The following KIF13B variants were observed in gnomAD, a reference collection of about 807,000 sequenced individuals.
The protein encoded by KIF13B is kinesin-like protein KIF13B.
KIF13B carries 127 observed loss-of-function variants against 222.0 expected under a neutral mutation model. The ratio of observed to expected loss-of-function variants is 0.57; its 90% CI spans 0.50 to 0.66. The LOEUF (loss-of-function observed/expected upper bound fraction) is 0.66. Among genes scored for constraint, KIF13B ranks in the 30% least tolerant of loss-of-function variants. The pLI is 0.00. For missense variants in KIF13B, 2,173 were observed against 2,379.0 expected (o/e 0.91, Z 1.80); for synonymous variants, 976 against 919.0 (o/e 1.06, Z -1.12).
At chr8:29,125,837 G>A (rs1159719684) in intron 26 of KIF13B, among the ~76,000 whole-genome samples, 5 of 152,258 alleles carry the variant, frequency 3.3e-5, no homozygotes, top group South Asian at 2.1e-4. Context: ...AGTCGGGCGC[G>A]GTGGCTCATG....
chr8:29,150,530 T>G (rs979836563), intron 14 of KIF13B, 147 bp from the exon 15 acceptor site: 7 of 574,998 alleles, frequency 1.2e-5, no homozygotes, highest in Admixed American at 3.3e-5. Flanking sequence ...AATATTTGCA[T>G]TTACTCCTTT....
chr8:29,110,685 A>T (rs1181971422), intron 32 of KIF13B: 2 of 152,652 alleles, frequency 1.3e-5, no homozygotes, highest in Non-Finnish European at 2.9e-5. Flanking sequence ...GTTCTCCTAC[A>T]CTGAGCTTTC....
chr8:29,262,815 G>A (rs1816735287), intron 1 of KIF13B, among the ~76,000 whole-genome samples, 165 bp downstream of exon 1: 2 of 151,348 alleles, frequency 1.3e-5, no homozygotes, highest in Admixed American at 1.3e-4. Context: ...AGAGGGAGCC[G>A]GGCGTCTCAG....
chr8:29,073,152 CGAGGAGGGGGAT>C (rs1563678446), intron 38 of KIF13B, among the ~76,000 whole-genome samples: 21 of 30,386 alleles, frequency 6.9e-4, no homozygotes, highest in African/African-American at 1.7e-3. Flanking sequence ...AGGAGGGGGA[CGAGGAGGGGGAT>C]GAGGAGGGGA....
At position 29,136,632 on chromosome 8, in the gene KIF13B, C is replaced by T. The variant is rs374481704; in HGVS notation, c.2614-2422G>A. The stretch of plus-strand genomic sequence containing the variant: ...ATTAATTAAAATAAATAAATCTCAC[C>T]CACTTATCAGCTTGTGTGCTGGCTC... On this transcript the variant is annotated intron_variant, in intron 21 of 39. Coordinates refer to ENST00000524189, the MANE Select transcript of KIF13B (RefSeq NM_015254.4). Among the ~76,000 whole-genome samples, 13 of 151,556 alleles carry T rather than the reference C, an allele frequency of 8.6e-5. No homozygotes were observed. The South Asian group carries it at 2.5e-3, about 29-fold the overall frequency.
At chr8:29,226,359 T>C (rs961192322) in intron 2 of KIF13B, among the ~76,000 whole-genome samples, 17 of 152,216 alleles carry the variant, frequency 1.1e-4, no homozygotes, top group Non-Finnish European at 2.2e-4. Flanking sequence ...CATACCTAAC[T>C]CACCACCTGC....
At chr8:29,204,745 A>C (rs1432144044) in intron 2 of KIF13B, among the ~76,000 whole-genome samples, 1 of 152,208 alleles carries the variant, frequency 6.6e-6, no homozygotes, top group Non-Finnish European at 1.5e-5. Context: ...GCCCTGGGCC[A>C]GACATCTGGC....
intron 9 of KIF13B, 74 bp from the exon 10 acceptor site, chr8:29,176,253 A>T: frequency 1.1e-6 from 1 of 896,540 alleles, no homozygotes; most frequent in Non-Finnish European, 1.8e-6. Context: ...ACAAAGATTG[A>T]ACACTAAGAT....
intron 38 of KIF13B, among the ~76,000 whole-genome samples, chr8:29,072,706 G>T (rs892880755): frequency 6.6e-6 from 1 of 152,128 alleles, no homozygotes; most frequent in African/African-American, 2.4e-5. Flanking sequence ...CACAGCCCCT[G>T]CCCCATCTAC....
rs951063461 is a variant in KIF13B, at chr8:29,083,481, C to T, written c.4459-8138G>A. 5.8e-4 allele frequency among the ~76,000 whole-genome samples: 88 copies of T among 152,174 alleles called. 1 individual carries two copies. The highest frequency in any genetic ancestry group is 2.1e-3 in the African/African-American group (85 of 41,444). ...ACCTCTTCAATCGACTTCTTTACTG[C>T]CTCAGAAATCCTCTTACTTGCTGAA... On this transcript the variant is annotated intron_variant, in intron 37 of 39. Coordinates refer to ENST00000524189, the MANE Select transcript of KIF13B (RefSeq NM_015254.4).
Position 29,171,746 on chromosome 8 carries a change from AT to A in KIF13B, c.946-4162del, listed in dbSNP as rs1169474938. 4.9e-3 allele frequency among the ~76,000 whole-genome samples: 718 copies of A among 145,570 alleles called. 5 individuals are homozygous for A. Among genetic ancestry groups the A allele is most frequent in the African/African-American group, 0.016 (636 of 39,356 alleles). On this transcript the variant is annotated intron_variant, in intron 10 of 39. Coordinates refer to ENST00000524189, the MANE Select transcript of KIF13B (RefSeq NM_015254.4). The stretch of plus-strand genomic sequence containing the variant: ...AAATGACGTTAAAAAAAATCATATA[AT>A]TTTTTTTTCTTCTTTTTTTTTTTTT...
chr8:29,197,360 A>C (rs895403227), intron 2 of KIF13B, among the ~76,000 whole-genome samples: 22 of 146,982 alleles, frequency 1.5e-4, no homozygotes, highest in African/African-American at 5.5e-4. Context: ...AAAAAAAAAA[A>C]ACTCAATATA....
rs144206349 is a variant in KIF13B at position 29,104,398 on chromosome 8, C to T, written c.4215+3741G>A. Among the ~76,000 whole-genome samples, 3 of 152,258 alleles carry T rather than the reference C, an allele frequency of 2.0e-5. No individual in the cohort carries two copies. The East Asian group carries it at 5.8e-4, about 29-fold the overall frequency. ...GGATTCTAGAGTACCCCTCTCCAAC[C>T]CATCTGTGTCTCTCGTCATCTCTCT... On this transcript the variant is annotated intron_variant, in intron 35 of 39. Coordinates refer to ENST00000524189, the MANE Select transcript of KIF13B (RefSeq NM_015254.4).
chr8:29,244,846 C>G (rs1815950864), intron 2 of KIF13B, among the ~76,000 whole-genome samples: 1 of 152,130 alleles, frequency 6.6e-6, no homozygotes, highest in Non-Finnish European at 1.5e-5. Context: ...ATCCACTGTA[C>G]AGCTGGAAGT....
At chr8:29,151,368 A>T (rs1318885325) in intron 14 of KIF13B, among the ~76,000 whole-genome samples, 1 of 152,254 alleles carries the variant, frequency 6.6e-6, no homozygotes, top group Non-Finnish European at 1.5e-5. Flanking sequence ...CTGCAGCAAG[A>T]TCACTGATGA....
chr8:29,140,311 C>G (rs1467047291), intron 20 of KIF13B, 120 bp from the exon 21 acceptor site: 4 of 1,435,234 alleles, frequency 2.8e-6, no homozygotes, highest in Admixed American at 2.2e-5. Flanking sequence ...AATTTAGAGG[C>G]CTAGTCTCTG....
chr8:29,102,775 G>A (rs550883989), intron 35 of KIF13B, among the ~76,000 whole-genome samples: 1 of 152,178 alleles, frequency 6.6e-6, no homozygotes, highest in East Asian at 1.9e-4. Context: ...AAACCATCAC[G>A]GCTTTCAGGA....
rs769759779 is a variant in KIF13B, at chr8:29,181,902, A to G, written c.585+17T>C. 6.3e-7 allele frequency: 1 copy of G among 1,592,692 alleles called. No homozygotes were observed. Among genetic ancestry groups the G allele is most frequent in the South Asian group, 1.1e-5 (1 of 89,562 alleles). On this transcript the variant is annotated intron_variant, in intron 7 of 39. Transcript: ENST00000524189. The stretch of plus-strand genomic sequence containing the variant: ...ACTACACTAAATTTAAATAGTTCAC[A>G]TACAGGATGTTGTTACCTTGTAGCT...
chr8:29,125,427 C>A (rs747679262), intron 26 of KIF13B, among the ~76,000 whole-genome samples: 36 of 152,076 alleles, frequency 2.4e-4, no homozygotes, highest in Non-Finnish European at 3.7e-4. Context: ...GAGAAACGTG[C>A]GATGCATCTA....
Sources: gnomAD v4.1 joint callset for allele counts (sites outside exome capture counted in the v4.1 genomes callset) on GRCh38, gnomAD v4.1.1 for gene constraint, MANE v1.5 for transcripts, NCBI Gene and HGNC (gene_info 2026-07-23, HGNC 2026-07-21) for gene names.